GATAD2B: variants seen among roughly 807,000 people sequenced by gnomAD.
GATAD2B encodes the protein transcriptional repressor p66-beta.
In GATAD2B, 8 loss-of-function variants were observed where a neutral mutation model predicts 64.3. The observed-to-expected ratio is 0.12, with a 90% CI of 0.07 to 0.22. The LOEUF (loss-of-function observed/expected upper bound fraction) is 0.22, where lower values mean the gene tolerates loss of function less well. Ranked by LOEUF, GATAD2B falls within the 10% of genes least tolerant of loss-of-function variation. The probability of loss-of-function intolerance (pLI) is 1.00; values close to 1 mark genes in which losing one functional copy is unlikely to be tolerated. For synonymous variants in GATAD2B, 281 were observed against 271.3 expected (o/e 1.04, Z -0.35); for missense variants, 453 against 752.0 (o/e 0.60, Z 4.65).
chr1:153,877,947 C>T (rs1352673042), intron 1 of GATAD2B, among the ~76,000 whole-genome samples: 1 of 148,984 alleles, frequency 6.7e-6, no homozygotes, highest in African/African-American at 2.5e-5. Flanking sequence ...CCCACAACAA[C>T]AATGAATGAA....
chr1:153,834,166 C>A, intron 1 of GATAD2B, among the ~76,000 whole-genome samples: 1 of 151,758 alleles, frequency 6.6e-6, no homozygotes, highest in Middle Eastern at 3.2e-3. Flanking sequence ...CCACGCCCAG[C>A]TAATTTTTTG....
At chr1:153,821,997 G>T (rs1275051510) in intron 2 of GATAD2B, among the ~76,000 whole-genome samples, 1 of 151,690 alleles carries the variant, frequency 6.6e-6, no homozygotes, top group Non-Finnish European at 1.5e-5. Flanking sequence ...CCTGGCCAAC[G>T]TGGAGAAACC....
intron 1 of GATAD2B, among the ~76,000 whole-genome samples, chr1:153,904,888 G>T (rs1677880535): frequency 6.6e-6 from 1 of 152,072 alleles, no homozygotes; most frequent in Non-Finnish European, 1.5e-5. Context: ...TCTATTTTTA[G>T]TAGAGACGGG....
At chr1:153,892,692 C>CTTTTTTTTTTTTTTTTTTT (rs144331770) in intron 1 of GATAD2B, among the ~76,000 whole-genome samples, 1 of 97,872 alleles carries the variant, frequency 1.0e-5, no homozygotes, top group Non-Finnish European at 2.0e-5. Flanking sequence ...TGTAAGAAAC[C>CTTTTTTTTTTTTTTTTTTT]TTTTTTTTTT....
intron 1 of GATAD2B, among the ~76,000 whole-genome samples, chr1:153,906,295 T>C (rs1677937054): frequency 6.6e-6 from 1 of 151,996 alleles, no homozygotes; most frequent in South Asian, 2.1e-4. Flanking sequence ...GGCGTGTGCC[T>C]GTAGTTCCAG....
intron 1 of GATAD2B, among the ~76,000 whole-genome samples, chr1:153,844,288 TTAG>T (rs1675605756): frequency 6.6e-6 from 1 of 152,018 alleles, no homozygotes; most frequent in Non-Finnish European, 1.5e-5. Context: ...GTGCCTGTTC[TTAG>T]TAGCCAGATT....
chr1:153,878,890 G>C (rs368394657), intron 1 of GATAD2B, among the ~76,000 whole-genome samples: 169 of 144,038 alleles, frequency 1.2e-3, no homozygotes, highest in African/African-American at 3.7e-3. Context: ...AAATTCTTCT[G>C]CCTCAGGCTC....
chr1:153,830,156 GTATT>G (rs1374899856), intron 1 of GATAD2B, among the ~76,000 whole-genome samples: 3 of 152,034 alleles, frequency 2.0e-5, no homozygotes, highest in Non-Finnish European at 4.4e-5. Context: ...TTGTATTTAT[GTATT>G]TATTTGAGAT....
chr1:153,867,340 A>C (rs1676512229), intron 1 of GATAD2B, among the ~76,000 whole-genome samples: 1 of 152,162 alleles, frequency 6.6e-6, no homozygotes, highest in Non-Finnish European at 1.5e-5. Context: ...AGGAGGTTAG[A>C]AATAAATTTG....
chr1:153,842,581 T>C (rs991290838), intron 1 of GATAD2B, among the ~76,000 whole-genome samples: 4 of 152,200 alleles, frequency 2.6e-5, no homozygotes, highest in African/African-American at 7.2e-5. Context: ...TTAGAAATTA[T>C]CACTTCTGTA....
chr1:153,846,329 T>C (rs1026167801), intron 1 of GATAD2B, among the ~76,000 whole-genome samples: 5 of 151,848 alleles, frequency 3.3e-5, no homozygotes, highest in African/African-American at 1.2e-4. Context: ...GCCTCCGAGG[T>C]TCAAGTGATT....
At chr1:153,869,319 G>C (rs1676586086) in intron 1 of GATAD2B, among the ~76,000 whole-genome samples, 1 of 149,688 alleles carries the variant, frequency 6.7e-6, no homozygotes, top group South Asian at 2.1e-4. Flanking sequence ...ACTCTTGCCT[G>C]CAACAAATAC....
chr1:153,891,687 G>A (rs553299260), intron 1 of GATAD2B, among the ~76,000 whole-genome samples: 31 of 137,604 alleles, frequency 2.3e-4, no homozygotes, highest in Middle Eastern at 7.9e-3. Context: ...GGAGGGAAAA[G>A]AAGTAGATTA....
chr1:153,902,964 T>C (rs1017044920), intron 1 of GATAD2B, among the ~76,000 whole-genome samples: 1 of 152,110 alleles, frequency 6.6e-6, no homozygotes, highest in Non-Finnish European at 1.5e-5. Flanking sequence ...ACGCCTATAA[T>C]CCCAGGACTT....
chr1:153,833,967 T>C (rs905369087), intron 1 of GATAD2B, among the ~76,000 whole-genome samples: 1 of 151,476 alleles, frequency 6.6e-6, no homozygotes. Flanking sequence ...AGTAAGACCC[T>C]GTCTCTCTCT....
At chr1:153,837,379 A>AC (rs535247212) in intron 1 of GATAD2B, among the ~76,000 whole-genome samples, 9 of 143,804 alleles carry the variant, frequency 6.3e-5, no homozygotes, top group African/African-American at 1.6e-4. Context: ...AAAACAAACA[A>AC]AAAAAAAAAC....
chr1:153,841,429 A>G (rs893241045), intron 1 of GATAD2B, among the ~76,000 whole-genome samples: 5 of 152,186 alleles, frequency 3.3e-5, no homozygotes, highest in Non-Finnish European at 7.4e-5. Flanking sequence ...TTTTATAACA[A>G]CATCTACCCT....
chr1:153,838,293 G>A (rs1421981029), intron 1 of GATAD2B, among the ~76,000 whole-genome samples: 11 of 152,176 alleles, frequency 7.2e-5, no homozygotes, highest in East Asian at 1.9e-4. Flanking sequence ...GACATTAGGA[G>A]TAAAGATTTT....
chr1:153,818,703 C>G lies in GATAD2B; in HGVS notation c.597+88G>C, dbSNP rs1306268399. 3.4e-6 allele frequency: 4 copies of G among 1,160,558 alleles called. No homozygotes were observed. In the African/African-American group the frequency reaches 6.2e-5, roughly 18 times the overall value. The allele number at this position is 1,160,558 out of a possible 1,614,324, so 71.9% of individuals were successfully genotyped here. A position where few individuals can be genotyped will look rare whatever the true frequency, so the allele number is the denominator to read the frequency against. ...ACTACGGACCCAGAGAAGAAATGAGCCACCCAACTGAACCTACCTGGGGGA... is the reference window on the plus strand; with the variant it reads ...ACTACGGACCCAGAGAAGAAATGAGGCACCCAACTGAACCTACCTGGGGGA... On this transcript the variant is annotated intron_variant, in intron 4 of 10. Coordinates refer to ENST00000368655, the MANE Select transcript of GATAD2B (RefSeq NM_020699.4).
Sources: gnomAD v4.1 joint callset for allele counts (sites outside exome capture counted in the v4.1 genomes callset) on GRCh38, gnomAD v4.1.1 for gene constraint, MANE v1.5 for transcripts, NCBI Gene and HGNC (gene_info 2026-07-23, HGNC 2026-07-21) for gene names.